The following RCBTB1 variants were observed in gnomAD, a reference collection of about 807,000 sequenced individuals.
The protein encoded by RCBTB1 is RCC1 and BTB domain-containing protein 1.
A neutral mutation model predicts 62.4 loss-of-function variants in RCBTB1; 46 were observed. The observed-to-expected ratio is 0.74, with a 90% CI of 0.58 to 0.94. RCBTB1 has a LOEUF of 0.94. RCBTB1 is among the 40% of genes least tolerant of loss of function. The probability of loss-of-function intolerance (pLI) is 0.00; values close to 1 mark genes in which losing one functional copy is unlikely to be tolerated. For synonymous variants in RCBTB1, 222 were observed against 245.8 expected, an observed-to-expected ratio of 0.90 and a Z score of 0.91; for missense variants, 565 against 654.9, an observed-to-expected ratio of 0.86 and a Z score of 1.50.
At chr13:49,565,324 T>C (rs150781694) in intron 4 of RCBTB1, among the ~76,000 whole-genome samples, 4 of 152,184 alleles carry the variant, frequency 2.6e-5, no homozygotes, top group African/African-American at 4.8e-5. Flanking sequence ...GTGCTCAATG[T>C]TGCCCAGGCT....
At position 49,542,127 on chromosome 13, in the gene RCBTB1, T is replaced by G. The variant is rs546771798; in HGVS notation, c.1173-300A>C. Among the ~76,000 whole-genome samples the G allele has an allele frequency of 1.1e-3, 169 of 151,206 alleles. 1 individual carries two copies. The highest frequency in any genetic ancestry group is 5.0e-3 in the South Asian group (24 of 4,780). Reference sequence around the variant, plus strand: ...TACTCAGGAGGCTGAGGCAGGAGAATCGCTTGAACCCGGGAGGTGGAGGTT... The same window carrying G: ...TACTCAGGAGGCTGAGGCAGGAGAAGCGCTTGAACCCGGGAGGTGGAGGTT... On this transcript the variant is annotated intron_variant, in intron 10 of 12. Transcript: ENST00000378302.
chr13:49,539,044 A>G (rs549217247), intron 12 of RCBTB1, among the ~76,000 whole-genome samples: 3 of 151,774 alleles, frequency 2.0e-5, no homozygotes, highest in South Asian at 2.1e-4. Flanking sequence ...TAATTTTTGT[A>G]TTTTTAGTAG....
intron 5 of RCBTB1, among the ~76,000 whole-genome samples, chr13:49,555,880 C>T (rs1220697542): frequency 6.6e-6 from 1 of 152,178 alleles, no homozygotes; most frequent in Non-Finnish European, 1.5e-5. Flanking sequence ...CCACTTTATA[C>T]ATCTCCGTTT....
intron 2 of RCBTB1, among the ~76,000 whole-genome samples, chr13:49,575,526 T>C (rs969979201): frequency 6.6e-5 from 10 of 151,084 alleles, no homozygotes; most frequent in Non-Finnish European, 1.2e-4. Context: ...TGACAGTAGA[T>C]TGGAAAAAGA....
chr13:49,558,695 CAAAA>C (rs1186659232), intron 5 of RCBTB1, among the ~76,000 whole-genome samples: 3 of 59,374 alleles, frequency 5.1e-5, no homozygotes, highest in Admixed American at 1.8e-4. Context: ...ACTCTGTCTC[CAAAA>C]AAAAAAAAAA....
chr13:49,543,341 AAAAG>A (rs750706572), intron 10 of RCBTB1, among the ~76,000 whole-genome samples: 4 of 152,214 alleles, frequency 2.6e-5, no homozygotes, highest in Non-Finnish European at 5.9e-5. Flanking sequence ...TGAGAAATAA[AAAAG>A]AAATAGTTGT....
chr13:49,536,145 T>G (rs1057014001), intron 12 of RCBTB1, among the ~76,000 whole-genome samples: 2 of 152,184 alleles, frequency 1.3e-5, no homozygotes, highest in Non-Finnish European at 2.9e-5. Flanking sequence ...CCCCTCCAAT[T>G]AGTTTGAACT....
intron 2 of RCBTB1, among the ~76,000 whole-genome samples, chr13:49,573,055 C>A (rs1038371739): frequency 1.3e-5 from 2 of 152,084 alleles, no homozygotes; most frequent in Non-Finnish European, 2.9e-5. Context: ...TAAGCACCCC[C>A]CAAGGAAGCA....
chr13:49,538,845 A>G (rs1023423736), intron 12 of RCBTB1, among the ~76,000 whole-genome samples: 2 of 151,094 alleles, frequency 1.3e-5, no homozygotes, highest in South Asian at 2.1e-4. Flanking sequence ...TAATTTTTCT[A>G]CGTTGAATCT....
intron 8 of RCBTB1, among the ~76,000 whole-genome samples, chr13:49,550,954 T>G (rs1199572971): frequency 6.6e-6 from 1 of 151,986 alleles, no homozygotes; most frequent in East Asian, 1.9e-4. Context: ...AATACAAAAA[T>G]TAGCTGGGCA....
rs762764935 is a variant in RCBTB1 at position 49,541,703 on chromosome 13, C to G, written c.1297G>C (p.Val433Leu). Reference sequence around the variant, plus strand: ...ATAGCATCTTCTGGCGGCAGGTCGACTGTGTCTGTGTAGAGGTACTGGAGA... The same window carrying G: ...ATAGCATCTTCTGGCGGCAGGTCGAGTGTGTCTGTGTAGAGGTACTGGAGA... ...AFLQYLYTDT[V>L]DLPPEDAIGL... The change falls in exon 11 of 13, where the codon GTC becomes CTC. Residue 433 changes from valine (V) to leucine (L), a missense_variant. Physicochemically the swap from Val to Leu is conservative, Grantham distance 32. Transcript: ENST00000378302. 3 of 1,612,882 alleles carry G rather than the reference C, an allele frequency of 1.9e-6. No individual in the cohort carries two copies. The Admixed American group carries it at 5.0e-5, about 27-fold the overall frequency.
At chr13:49,562,776 CTTTTTTTT>C (rs58896397) in intron 4 of RCBTB1, among the ~76,000 whole-genome samples, 2 of 61,364 alleles carry the variant, frequency 3.3e-5, no homozygotes, top group African/African-American at 5.1e-5. Context: ...CCATCCCCGG[CTTTTTTTT>C]TTTTTTTTTT....
chr13:49,560,959 G>A (rs1159447610), intron 4 of RCBTB1, among the ~76,000 whole-genome samples: 2 of 152,160 alleles, frequency 1.3e-5, no homozygotes, highest in East Asian at 3.9e-4. Context: ...CCAGCACCTC[G>A]ATGTGGTCAC....
At position 49,565,428 on chromosome 13, in the gene RCBTB1, G is replaced by A. The variant is rs1448820443; in HGVS notation, c.277+1190C>T. On this transcript the variant is annotated intron_variant, in intron 4 of 12. Transcript: ENST00000378302. ...AGTGCCGAGATTGCAGCCTCTGCCC[G>A]GCCGCCACCCCGTCTGGGAAGTGAG... Among the ~76,000 whole-genome samples, 293 of 151,304 alleles carry A rather than the reference G, an allele frequency of 1.9e-3. 1 individual carries two copies. The highest frequency in any genetic ancestry group is 6.4e-3 in the African/African-American group (263 of 41,124).
intron 1 of RCBTB1, among the ~76,000 whole-genome samples, chr13:49,583,426 C>T (rs1964218873): frequency 6.6e-6 from 1 of 151,826 alleles, no homozygotes; most frequent in Admixed American, 6.6e-5. Context: ...TAAATGTGAT[C>T]TAACACACAG....
chr13:49,551,761 G>T (rs1170065339), intron 7 of RCBTB1, among the ~76,000 whole-genome samples: 2 of 152,152 alleles, frequency 1.3e-5, no homozygotes, highest in Non-Finnish European at 2.9e-5. Context: ...TTAGCCAGGT[G>T]TGGTGGCGGC....
intron 5 of RCBTB1, 63 bp downstream of exon 5, chr13:49,559,853 TTA>T: frequency 6.8e-7 from 1 of 1,471,862 alleles, no homozygotes; most frequent in Non-Finnish European, 9.2e-7. Context: ...CTGGTAAATT[TTA>T]TGTTAAGTGT....
intron 10 of RCBTB1, among the ~76,000 whole-genome samples, chr13:49,542,430 T>C (rs557827335): frequency 2.6e-4 from 40 of 152,316 alleles, no homozygotes; most frequent in African/African-American, 9.4e-4. Context: ...CTGTTTCCAT[T>C]TGATGGTCCC....
At chr13:49,557,108 T>C in intron 5 of RCBTB1, among the ~76,000 whole-genome samples, 1 of 152,216 alleles carries the variant, frequency 6.6e-6, no homozygotes, top group Non-Finnish European at 1.5e-5. Flanking sequence ...CTTTTGGGTT[T>C]GTTCACTTAT....
Sources: allele counts gnomAD v4.1 joint callset (sites outside exome capture counted in the v4.1 genomes callset), GRCh38; gene constraint gnomAD v4.1.1; transcripts MANE v1.5; gene names NCBI Gene and HGNC (gene_info 2026-07-23, HGNC 2026-07-21).